The following REST variants were observed in gnomAD, a reference collection of about 807,000 sequenced individuals.
The protein encoded by REST is RE1 silencing transcription factor, also known as RE1-silencing transcription factor.
In REST, 1 loss-of-function variant was observed where a neutral mutation model predicts 30.4. That is an observed-to-expected ratio of 0.03 (90% CI 0.01 to 0.16). REST has a LOEUF of 0.16. Ranked by LOEUF, REST falls within the 10% of genes least tolerant of loss-of-function variation. The pLI is 1.00. For synonymous variants in REST, 504 were observed against 451.1 expected, an observed-to-expected ratio of 1.12 and a Z score of -1.49; for missense variants, 1,259 against 1,329.5, an observed-to-expected ratio of 0.95 and a Z score of 0.82.
chr4:56,920,543 C>G (rs1319628749), intron 3 of REST, among the ~76,000 whole-genome samples: 1 of 151,838 alleles, frequency 6.6e-6, no homozygotes, highest in Non-Finnish European at 1.5e-5. Context: ...GGGCGGATCA[C>G]CTGAGGCGGG....
chr4:56,931,461 C>A lies in REST; in HGVS notation c.2603C>A (p.Pro868Gln), dbSNP rs753496340. Residue 868 changes from proline to glutamine, a missense_variant, in exon 4 of 4, where the codon CCA becomes CAA. Physicochemically the swap from Pro to Gln is moderately conservative, Grantham distance 76 (BLOSUM62 -1). Coordinates refer to ENST00000309042, the MANE Select transcript of REST (RefSeq NM_005612.5). ...EDLSPPSPPL[P>Q]KENLREEASG... ...CTCTCACCACCATCACCACCACTGCCAAAGGAAAATTTAAGAGAAGAGGCA... is the reference window on the plus strand; with the variant it reads ...CTCTCACCACCATCACCACCACTGCAAAAGGAAAATTTAAGAGAAGAGGCA... 1 of 1,614,126 alleles carries A rather than the reference C, an allele frequency of 6.2e-7. No homozygotes were observed. Among genetic ancestry groups the A allele is most frequent in the Non-Finnish European group, 8.5e-7 (1 of 1,180,028 alleles).
rs528794515 is a variant in REST, at chr4:56,922,062, A to G, written c.982+2192A>G. ...ATAGTTGCTAGCCTTTCTTGACCCT[A>G]CGTGCTTGTCACGCTAATGTACTTT... is the stretch of plus-strand genomic sequence containing the variant. On this transcript the variant is annotated intron_variant, in intron 3 of 3. Transcript: ENST00000309042. Among the ~76,000 whole-genome samples the G allele has an allele frequency of 3.9e-5, 6 of 152,142 alleles. No homozygotes were observed. In the East Asian group the frequency reaches 5.8e-4, roughly 15 times the overall value.
intron 3 of REST, chr4:56,927,592 T>A: frequency 9.8e-7 from 1 of 1,025,076 alleles, no homozygotes; most frequent in East Asian, 9.0e-5. Flanking sequence ...TCCGTTTTTC[T>A]ACTATGCATT....
chr4:56,931,873 TGATGAA>T lies in REST; in HGVS notation c.3023_3028del (p.Asp1008_Glu1009del), dbSNP rs751715551. 4 of 1,614,030 alleles carry T rather than the reference TGATGAA, an allele frequency of 2.5e-6. No homozygotes were observed. The highest frequency in any genetic ancestry group is 3.4e-6 in the Non-Finnish European group (4 of 1,180,050). ...TGGCAGCAAATGAGTCTCAGGAAAT[TGATGAA>T]GATGAAGGCATCCACAGCCATGAAG... On this transcript the variant is annotated inframe_deletion, in exon 4 of 4. Coordinates refer to ENST00000309042, the MANE Select transcript of REST (RefSeq NM_005612.5).
At chr4:56,908,337 A>G (rs1372767941) in intron 1 of REST, 124 bp downstream of exon 1, 14 of 161,554 alleles carry the variant, frequency 8.7e-5, no homozygotes, top group Non-Finnish European at 1.9e-4. Flanking sequence ...GCTGATTTGC[A>G]GATACTGTGG....
At chr4:56,920,151 C>G (rs1014792595) in intron 3 of REST, among the ~76,000 whole-genome samples, 11 of 151,974 alleles carry the variant, frequency 7.2e-5, no homozygotes, top group African/African-American at 2.7e-4. Context: ...AAAAGTTAAA[C>G]TAATGTAGAC....
chr4:56,921,305 A>T (rs1720440326), intron 3 of REST, among the ~76,000 whole-genome samples: 1 of 152,232 alleles, frequency 6.6e-6, no homozygotes, highest in South Asian at 2.1e-4. Flanking sequence ...TATTCGCTTG[A>T]GTAGCCACTA....
At chr4:56,926,675 G>A (rs1368799831) in intron 3 of REST, among the ~76,000 whole-genome samples, 2 of 151,352 alleles carry the variant, frequency 1.3e-5, no homozygotes, top group African/African-American at 2.4e-5. Flanking sequence ...CATACTCAAA[G>A]TTACCAATTG....
rs1721009454 is a variant in REST, at chr4:56,932,449, A to AT, written c.*304dup. On this transcript the variant is annotated 3_prime_UTR_variant, in exon 4 of 4. Transcript: ENST00000309042. ...TTGCTTTGTCCAGCTACAACTTGTC[A>AT]TTTTTTTCTCCATGTCTTATCTTCC... The AT allele has an allele frequency of 1.3e-5, 3 of 224,930 alleles. No homozygotes were observed. Among genetic ancestry groups the AT allele is most frequent in the Middle Eastern group, 1.5e-3 (1 of 650 alleles). The allele number at this position is 224,930 out of a possible 1,614,324, so 13.9% of individuals were successfully genotyped here.
At chr4:56,923,485 C>T (rs1720543573) in intron 3 of REST, among the ~76,000 whole-genome samples, 1 of 152,062 alleles carries the variant, frequency 6.6e-6, no homozygotes, top group Non-Finnish European at 1.5e-5. Context: ...GCTCTTGTCA[C>T]CCAGCTAGAG....
At chr4:56,926,860 G>A (rs1720734005) in intron 3 of REST, among the ~76,000 whole-genome samples, 2 of 151,918 alleles carry the variant, frequency 1.3e-5, no homozygotes, top group South Asian at 4.2e-4. Flanking sequence ...ACTTTGGGAG[G>A]CCGAGGAGGG....
chr4:56,925,985 TGAA>T (rs948167819), intron 3 of REST, among the ~76,000 whole-genome samples: 1 of 152,188 alleles, frequency 6.6e-6, no homozygotes, highest in African/African-American at 2.4e-5. Flanking sequence ...TGTGTAAATA[TGAA>T]GAGAAGAGAT....
At chr4:56,927,661 A>T in intron 3 of REST, 2 of 1,237,270 alleles carry the variant, frequency 1.6e-6, no homozygotes, top group Non-Finnish European at 2.1e-6. Flanking sequence ...TGTGATCTAG[A>T]TGGGTATGTA....
intron 2 of REST, among the ~76,000 whole-genome samples, chr4:56,912,833 A>G (rs1047201852): frequency 3.3e-5 from 5 of 151,442 alleles, no homozygotes; most frequent in African/African-American, 1.2e-4. Flanking sequence ...TTTAGTAGAG[A>G]TGGGGTTTTG....
intron 3 of REST, among the ~76,000 whole-genome samples, chr4:56,928,216 C>A (rs1457836269): frequency 6.6e-6 from 1 of 152,026 alleles, no homozygotes; most frequent in Non-Finnish European, 1.5e-5. Flanking sequence ...AAGCAATTCT[C>A]CTTCTTCAGC....
At chr4:56,923,962 C>T (rs1436039842) in intron 3 of REST, among the ~76,000 whole-genome samples, 2 of 152,054 alleles carry the variant, frequency 1.3e-5, no homozygotes, top group Non-Finnish European at 2.9e-5. Context: ...ACCTCATGAT[C>T]TGCCCGCCTC....
Position 56,932,368 on chromosome 4 carries a change from G to T in REST, c.*216G>T, listed in dbSNP as rs1362360418. 1 of 485,458 alleles carries T rather than the reference G, an allele frequency of 2.1e-6. No homozygotes were observed. The highest frequency in any genetic ancestry group is 3.6e-6 in the Non-Finnish European group (1 of 279,480). 30.1% of individuals were successfully genotyped at this position (485,458 alleles called of 1,614,324 possible). A position where few individuals can be genotyped will look rare whatever the true frequency, so the allele number is the denominator to read the frequency against. Reference sequence around the variant, plus strand: ...GAGTGTACTAAACCAGCAGGTATCTGTTAGCTTATGTGTTTAATTGAAATT... The same window carrying T: ...GAGTGTACTAAACCAGCAGGTATCTTTTAGCTTATGTGTTTAATTGAAATT... On this transcript the variant is annotated 3_prime_UTR_variant, in exon 4 of 4. Coordinates refer to ENST00000309042, the MANE Select transcript of REST (RefSeq NM_005612.5).
rs749881609 is a variant in REST at position 56,930,335 on chromosome 4, C to G, written c.1477C>G (p.Arg493Gly). 1 of 1,613,858 alleles carries G rather than the reference C, an allele frequency of 6.2e-7. No individual in the cohort carries two copies. Residue 493 changes from arginine to glycine, a missense_variant, in exon 4 of 4, where the codon CGA becomes GGA. By Grantham distance (125) the Arg-to-Gly change is moderately radical. Transcript: ENST00000309042. Reference protein sequence around the residue: ...VSVIQVTTRTRKSVTEVKEMD... With the variant: ...VSVIQVTTRTGKSVTEVKEMD... The stretch of plus-strand genomic sequence containing the variant: ...AGTGATCCAGGTGACTACCAGAACT[C>G]GAAAATCAGTAACAGAGGTGAAAGA...
chr4:56,924,243 C>CT (rs1720579008), intron 3 of REST, among the ~76,000 whole-genome samples: 1 of 152,116 alleles, frequency 6.6e-6, no homozygotes, highest in African/African-American at 2.4e-5. Context: ...ATTGTGATGG[C>CT]TTGAGAGTCT....
Sources: allele counts gnomAD v4.1 joint callset (sites outside exome capture counted in the v4.1 genomes callset), GRCh38; gene constraint gnomAD v4.1.1; transcripts MANE v1.5; gene names NCBI Gene and HGNC (gene_info 2026-07-23, HGNC 2026-07-21).